The following ITGB5 variants were observed in gnomAD, a reference collection of about 807,000 sequenced individuals.
ITGB5 encodes the protein integrin beta-5.
Under a neutral mutation model 84.8 loss-of-function variants are expected in ITGB5, and 38 were observed. That is an observed-to-expected ratio of 0.45 (90% CI 0.35 to 0.59). ITGB5 has a LOEUF of 0.59. Ranked by LOEUF, ITGB5 falls within the 20% of genes least tolerant of loss-of-function variation. The probability of loss-of-function intolerance (pLI) is 0.01; values close to 1 mark genes in which losing one functional copy is unlikely to be tolerated. For missense variants in ITGB5, 905 were observed against 1,034.5 expected (o/e 0.87, Z 1.72); for synonymous variants, 393 against 414.4 (o/e 0.95, Z 0.63).
intron 1 of ITGB5, among the ~76,000 whole-genome samples, chr3:124,895,722 C>T (rs1308154826): frequency 1.3e-5 from 2 of 152,190 alleles, no homozygotes; most frequent in Non-Finnish European, 2.9e-5. Flanking sequence ...CAGCCATCAG[C>T]CACCAGCCCA....
intron 5 of ITGB5, among the ~76,000 whole-genome samples, chr3:124,840,669 T>TG: frequency 6.6e-6 from 1 of 151,728 alleles, no homozygotes; most frequent in East Asian, 1.9e-4. Context: ...TTTCTTTTTT[T>TG]TTTTTTTAAA....
intron 3 of ITGB5, among the ~76,000 whole-genome samples, chr3:124,849,477 C>G (rs2065123413): frequency 6.6e-6 from 1 of 152,140 alleles, no homozygotes; most frequent in South Asian, 2.1e-4. Context: ...ATTTACCAGA[C>G]TAGTATTTAT....
At chr3:124,873,658 C>A in intron 1 of ITGB5, 127 bp from the exon 2 acceptor site, 1 of 761,702 alleles carries the variant, frequency 1.3e-6, no homozygotes, top group Non-Finnish European at 2.3e-6. Context: ...GGTGCAGGTA[C>A]CATTGCTAAT....
intron 1 of ITGB5, among the ~76,000 whole-genome samples, chr3:124,899,054 G>A (rs1025939803): frequency 2.0e-5 from 3 of 150,032 alleles, no homozygotes; most frequent in African/African-American, 7.4e-5. Flanking sequence ...CAGCCTGGGT[G>A]ATAAGAGTGA....
intron 10 of ITGB5, among the ~76,000 whole-genome samples, chr3:124,795,429 CAGTGAGTCG>C (rs2064208264): frequency 6.6e-6 from 1 of 151,508 alleles, no homozygotes; most frequent in Non-Finnish European, 1.5e-5. Flanking sequence ...GCAGAGGTTG[CAGTGAGTCG>C]AGATCCTGCC....
At chr3:124,898,640 T>A (rs1450325891) in intron 1 of ITGB5, among the ~76,000 whole-genome samples, 1 of 31,680 alleles carries the variant, frequency 3.2e-5, no homozygotes, top group Non-Finnish European at 5.9e-5. Context: ...CGAGACTCCG[T>A]CTCAAAAAAA....
At chr3:124,825,156 C>T (rs924405661) in intron 5 of ITGB5, among the ~76,000 whole-genome samples, 3 of 148,182 alleles carry the variant, frequency 2.0e-5, no homozygotes, top group African/African-American at 7.5e-5. Flanking sequence ...AAGATCATGC[C>T]ACTGCACTCC....
At chr3:124,824,123 A>G (rs2064748719) in intron 5 of ITGB5, among the ~76,000 whole-genome samples, 2 of 152,238 alleles carry the variant, frequency 1.3e-5, no homozygotes, top group Admixed American at 1.3e-4. Flanking sequence ...AATGGAAACT[A>G]GCAAAACAAT....
intron 2 of ITGB5, among the ~76,000 whole-genome samples, chr3:124,871,684 G>C (rs1260592448): frequency 1.3e-5 from 2 of 151,876 alleles, no homozygotes; most frequent in African/African-American, 4.8e-5. Context: ...TCAATTAGCC[G>C]AGCACAGTGG....
intron 11 of ITGB5, among the ~76,000 whole-genome samples, chr3:124,773,348 T>C (rs995312175): frequency 4.6e-5 from 7 of 152,152 alleles, no homozygotes; most frequent in Admixed American, 4.6e-4. Context: ...AAGCACACAA[T>C]AGTACACTCA....
intron 1 of ITGB5, among the ~76,000 whole-genome samples, chr3:124,877,509 T>C (rs1327278737): frequency 2.0e-5 from 3 of 152,228 alleles, no homozygotes; most frequent in Admixed American, 6.5e-5. Context: ...TTCTTTGATA[T>C]ATAAAATCAT....
intron 3 of ITGB5, among the ~76,000 whole-genome samples, chr3:124,851,608 A>AACACACACACACAC (rs3836319): frequency 2.8e-4 from 41 of 146,042 alleles, no homozygotes; most frequent in Admixed American, 2.1e-3. Flanking sequence ...TCAGTAAGAA[A>AACACACACACACAC]ACACACACAC....
intron 9 of ITGB5, among the ~76,000 whole-genome samples, chr3:124,798,656 C>T (rs1396545480): frequency 6.6e-6 from 1 of 152,108 alleles, no homozygotes; most frequent in East Asian, 1.9e-4. Context: ...AAACTGCTGA[C>T]CTGAAGTGAT....
chr3:124,780,096 G>A (rs2063981967), intron 10 of ITGB5, among the ~76,000 whole-genome samples: 1 of 122,276 alleles, frequency 8.2e-6, no homozygotes, highest in Admixed American at 7.7e-5. Context: ...CCTCAGCGAG[G>A]CCTCTGAGGC....
intron 9 of ITGB5, 67 bp downstream of exon 9, chr3:124,808,955 T>C (rs960562542): frequency 5.3e-5 from 81 of 1,536,226 alleles, no homozygotes; most frequent in Admixed American, 2.0e-5. Flanking sequence ...GTCACAAAAG[T>C]TATTAGAACC....
chr3:124,848,484 G>A lies in ITGB5; in HGVS notation c.436C>T (p.Leu146Phe). 6.2e-7 allele frequency: 1 copy of A among 1,614,162 alleles called. No homozygotes were observed. Among genetic ancestry groups the A allele is most frequent in the African/African-American group, 1.3e-5 (1 of 75,044 alleles). The change falls in exon 4 of 15, where the codon CTC becomes TTC. Residue 146 changes from leucine (L) to phenylalanine (F), a missense_variant. By Grantham distance (22) the Leu-to-Phe change is conservative (BLOSUM62 0). Transcript: ENST00000296181. Reference sequence around the variant, plus strand: ...AAGTCATCCTTCATGGACAGGGAGAGGTCCATCAGGTAGTACAGGTCCACA... The same window carrying A: ...AAGTCATCCTTCATGGACAGGGAGAAGTCCATCAGGTAGTACAGGTCCACA... The part of the protein sequence containing the change: ...YPVDLYYLMD[L>F]SLSMKDDLDN...
At chr3:124,876,576 C>T (rs1386498732) in intron 1 of ITGB5, among the ~76,000 whole-genome samples, 2 of 152,116 alleles carry the variant, frequency 1.3e-5, no homozygotes, top group Admixed American at 6.5e-5. Flanking sequence ...TACCAATTGG[C>T]ATAAGGATAG....
chr3:124,884,218 A>T (rs373808875), intron 1 of ITGB5, among the ~76,000 whole-genome samples: 65,347 of 150,706 alleles, frequency 0.43, 14,538 homozygotes, highest in East Asian at 0.67. Context: ...AAGCAAAAAA[A>T]AAAAAGAAAA....
intron 12 of ITGB5, among the ~76,000 whole-genome samples, chr3:124,767,550 GT>G (rs2063784733): frequency 6.6e-6 from 1 of 152,204 alleles, no homozygotes; most frequent in Non-Finnish European, 1.5e-5. Flanking sequence ...GGAAGGCATT[GT>G]TTCCTTCTCT....
Sources: gnomAD v4.1 joint callset for allele counts (sites outside exome capture counted in the v4.1 genomes callset) on GRCh38, gnomAD v4.1.1 for gene constraint, MANE v1.5 for transcripts, NCBI Gene and HGNC (gene_info 2026-07-23, HGNC 2026-07-21) for gene names.